The following MBOAT2 variants were observed in gnomAD, a reference collection of about 807,000 sequenced individuals.
MBOAT2 encodes the protein membrane-bound glycerophospholipid O-acyltransferase 2.
MBOAT2 carries 28 observed loss-of-function variants against 63.4 expected under a neutral mutation model. That is an observed-to-expected ratio of 0.44 (90% confidence interval 0.33 to 0.61). The LOEUF (loss-of-function observed/expected upper bound fraction) is 0.61, where lower values mean the gene tolerates loss of function less well. MBOAT2 is among the 20% of genes least tolerant of loss of function. The pLI is 0.03. For synonymous variants in MBOAT2, 211 were observed against 215.6 expected (o/e 0.98, Z 0.19); for missense variants, 470 against 605.8 (o/e 0.78, Z 2.35).
intron 1 of MBOAT2, among the ~76,000 whole-genome samples, chr2:8,996,058 A>G (rs868592659): frequency 6.6e-6 from 1 of 152,204 alleles, no homozygotes; most frequent in Non-Finnish European, 1.5e-5. Context: ...GGGAATGTAC[A>G]CTTTTAATAA....
intron 4 of MBOAT2, among the ~76,000 whole-genome samples, chr2:8,890,059 T>C (rs931676293): frequency 4.6e-5 from 7 of 152,102 alleles, no homozygotes; most frequent in African/African-American, 1.4e-4. Flanking sequence ...CATGTAGCTG[T>C]ATTGCTGGTT....
intron 7 of MBOAT2, among the ~76,000 whole-genome samples, chr2:8,876,437 C>T (rs933211781): frequency 1.2e-4 from 19 of 152,178 alleles, no homozygotes; most frequent in Non-Finnish European, 5.9e-5. Flanking sequence ...CACCACAGTG[C>T]CTGGCACATG....
rs117584292 is a variant in MBOAT2, at chr2:8,890,929, G to T, written c.396-2856C>A. The stretch of plus-strand genomic sequence containing the variant: ...CTCTCCCATCTGTTCTTTCTCATCT[G>T]TGCTTGAAAGCATTTATTATATATT... On this transcript the variant is annotated intron_variant, in intron 4 of 12. Coordinates refer to ENST00000305997, the MANE Select transcript of MBOAT2 (RefSeq NM_138799.4). Among the ~76,000 whole-genome samples the T allele has an allele frequency of 2.6e-4, 39 of 152,282 alleles. No homozygotes were observed. In the East Asian group the frequency reaches 6.5e-3, roughly 26 times the overall value.
rs1661055501 is a variant in MBOAT2 at position 8,855,994 on chromosome 2, C to A, written c.*2685G>T. 1 of 152,128 alleles carries A rather than the reference C, an allele frequency of 6.6e-6. No individual in the cohort carries two copies. The highest frequency in any genetic ancestry group is 2.4e-5 in the African/African-American group (1 of 41,424). 9.4% of individuals were successfully genotyped at this position (152,128 alleles called of 1,614,324 possible). A position where few individuals can be genotyped will look rare whatever the true frequency, so the allele number is the denominator to read the frequency against. On this transcript the variant is annotated 3_prime_UTR_variant, in exon 13 of 13. Coordinates refer to ENST00000305997, the MANE Select transcript of MBOAT2 (RefSeq NM_138799.4). Reference sequence around the variant, plus strand: ...GACGTACCAGTTTAAAATTCTTCTACTGTAAGTACTAGAAGCAAAATATTA... The same window carrying A: ...GACGTACCAGTTTAAAATTCTTCTAATGTAAGTACTAGAAGCAAAATATTA...
chr2:8,950,429 T>TGTTG lies in MBOAT2; in HGVS notation c.222-7166_222-7165insCAAC, dbSNP rs1457365790. Reference sequence around the variant, plus strand: ...AAGGAAATGCTTCCAGTTTGTTTTTTGTTTGTTTGTTTGTTTGAGACACAG... The same window carrying TGTTG: ...AAGGAAATGCTTCCAGTTTGTTTTTTGTTGGTTTGTTTGTTTGTTTGAGACACAG... On this transcript the variant is annotated intron_variant, in intron 2 of 12. Transcript: ENST00000305997. Among the ~76,000 whole-genome samples, 5 of 151,506 alleles carry TGTTG rather than the reference T, an allele frequency of 3.3e-5. No individual in the cohort carries two copies. The South Asian group carries it at 6.2e-4, about 19-fold the overall frequency.
chr2:8,972,472 T>C (rs1670521286), intron 1 of MBOAT2, among the ~76,000 whole-genome samples: 2 of 152,174 alleles, frequency 1.3e-5, no homozygotes, highest in African/African-American at 4.8e-5. Context: ...GGACTTCATG[T>C]CTAAAACACC....
intron 3 of MBOAT2, among the ~76,000 whole-genome samples, chr2:8,938,716 C>T (rs1667842449): frequency 6.6e-6 from 1 of 150,918 alleles, no homozygotes; most frequent in South Asian, 2.1e-4. Context: ...TTTCATGCTG[C>T]CATGTTTCAT....
At chr2:8,889,680 G>T (rs1443649254) in intron 4 of MBOAT2, among the ~76,000 whole-genome samples, 1 of 152,174 alleles carries the variant, frequency 6.6e-6, no homozygotes, top group Non-Finnish European at 1.5e-5. Flanking sequence ...TCACTGGTGA[G>T]TTATAAAATT....
In MBOAT2 at chr2:8,858,725, T is replaced by C. The variant is rs143390233; in HGVS notation, c.1517A>G (p.Asn506Ser). 1.6e-5 allele frequency: 26 copies of C among 1,614,024 alleles called. No homozygotes were observed. Among genetic ancestry groups the C allele is most frequent in the Admixed American group, 5.0e-5 (3 of 60,022 alleles). Residue 506 changes from asparagine (N) to serine (S), a missense_variant, in exon 13 of 13, where the codon AAT becomes AGT. Asn to Ser is a conservative substitution (Grantham distance 46). Around this residue, in one of 3 missense-constraint regions of MBOAT2, gnomAD observed 90 missense variants for 84.9 expected, o/e 1.06. Transcript: ENST00000305997. ...TCTCGAGGCTATTTCTTGATTCTGA[T>C]TGCAAACATTGTTTGTTGTAGAAAA... ...NSFSTTNNVC[N>S]QNQEIASRHS...
chr2:8,940,033 T>C (rs1553369362), intron 3 of MBOAT2, among the ~76,000 whole-genome samples: 1 of 151,936 alleles, frequency 6.6e-6, no homozygotes, highest in Non-Finnish European at 1.5e-5. Context: ...ACCCACTGTT[T>C]TCCAGCTACA....
In MBOAT2 at chr2:8,925,701, T is replaced by A. The variant is rs768823482; in HGVS notation, c.300-16985A>T. On this transcript the variant is annotated intron_variant, in intron 3 of 12. Coordinates refer to ENST00000305997, the MANE Select transcript of MBOAT2 (RefSeq NM_138799.4). ...ACACAATATTGAACAAGACTCACAG[T>A]CCCCATCCTGAGTTTGAAGTCCAGT... is the stretch of plus-strand genomic sequence containing the variant. Among the ~76,000 whole-genome samples the A allele has an allele frequency of 3.3e-5, 5 of 152,280 alleles. No individual in the cohort carries two copies. In the Middle Eastern group the frequency reaches 0.01, roughly 311 times the overall value.
chr2:8,952,986 TA>T (rs1354045534), intron 2 of MBOAT2, among the ~76,000 whole-genome samples: 2 of 152,216 alleles, frequency 1.3e-5, no homozygotes, highest in Non-Finnish European at 2.9e-5. Context: ...TTAATATTGA[TA>T]TGTGAGGTTT....
At chr2:8,890,712 G>C (rs1224889718) in intron 4 of MBOAT2, among the ~76,000 whole-genome samples, 1 of 151,974 alleles carries the variant, frequency 6.6e-6, no homozygotes, top group Non-Finnish European at 1.5e-5. Flanking sequence ...TAGACACGGG[G>C]TTTTGCTATG....
intron 1 of MBOAT2, among the ~76,000 whole-genome samples, chr2:8,970,792 G>A (rs181205344): frequency 4.1e-4 from 63 of 152,200 alleles, no homozygotes; most frequent in Non-Finnish European, 7.5e-4. Flanking sequence ...TGAATTCCTC[G>A]ACACATACAC....
Position 8,903,965 on chromosome 2 carries a change from C to CT in MBOAT2, c.395+4655dup, listed in dbSNP as rs917847037. 2.1e-4 allele frequency among the ~76,000 whole-genome samples: 31 copies of CT among 149,802 alleles called. No individual in the cohort carries two copies. The East Asian group carries it at 2.9e-3, about 14-fold the overall frequency. On this transcript the variant is annotated intron_variant, in intron 4 of 12. Transcript: ENST00000305997. ...CAGATTAACTTGGGGGAATCAGTAT[C>CT]TTTTTTTTTTATTTTACTTTATTTT...
chr2:8,867,201 G>C (rs976420596), intron 9 of MBOAT2, among the ~76,000 whole-genome samples: 4 of 152,082 alleles, frequency 2.6e-5, no homozygotes, highest in Non-Finnish European at 4.4e-5. Flanking sequence ...ATTTTTTGTA[G>C]AGATGGGGTT....
chr2:8,950,565 C>T (rs967334806), intron 2 of MBOAT2, among the ~76,000 whole-genome samples: 11 of 152,142 alleles, frequency 7.2e-5, no homozygotes, highest in Non-Finnish European at 1.5e-4. Flanking sequence ...GCAGCTGGTA[C>T]TACAGGCGCC....
chr2:8,880,838 C>T (rs1663068272), intron 6 of MBOAT2, among the ~76,000 whole-genome samples: 1 of 152,174 alleles, frequency 6.6e-6, no homozygotes, highest in South Asian at 2.1e-4. Flanking sequence ...ACAGTGAAAT[C>T]GGCCAAGATT....
intron 4 of MBOAT2, among the ~76,000 whole-genome samples, chr2:8,892,488 T>C (rs1038053032): frequency 3.9e-5 from 6 of 152,226 alleles, no homozygotes; most frequent in African/African-American, 1.4e-4. Flanking sequence ...ATTTAATTAA[T>C]GAGCACCTAC....
Sources: gnomAD v4.1 joint callset for allele counts (sites outside exome capture counted in the v4.1 genomes callset) on GRCh38, gnomAD v4.1.1 for gene constraint, gnomAD v4.1.1 regional missense constraint, MANE v1.5 for transcripts, NCBI Gene and HGNC (gene_info 2026-07-23, HGNC 2026-07-21) for gene names.